The following RORB variants were observed in gnomAD, a reference collection of about 807,000 sequenced individuals.
RORB encodes RAR related orphan receptor B.
A neutral mutation model predicts 59.1 loss-of-function variants in RORB; 6 were observed. That is an observed-to-expected ratio of 0.10 (90% CI 0.06 to 0.20). The LOEUF (loss-of-function observed/expected upper bound fraction) is 0.20, where lower values mean the gene tolerates loss of function less well. Among genes scored for constraint, RORB ranks in the 10% least tolerant of loss-of-function variants. The pLI, the probability that RORB is intolerant of heterozygous loss-of-function variation, is 1.00. For synonymous variants in RORB, 215 were observed against 204.5 expected, an observed-to-expected ratio of 1.05 and a Z score of -0.44; for missense variants, 320 against 560.5, an observed-to-expected ratio of 0.57 and a Z score of 4.33.
chr9:74,591,504 T>C (rs1223602089), intron 1 of RORB, among the ~76,000 whole-genome samples: 1 of 152,184 alleles, frequency 6.6e-6, no homozygotes. Flanking sequence ...GTAATCTAAA[T>C]AAAACAAAGC....
chr9:74,611,851 T>C (rs189905639), intron 1 of RORB, among the ~76,000 whole-genome samples: 13 of 152,232 alleles, frequency 8.5e-5, no homozygotes, highest in Non-Finnish European at 1.5e-4. Context: ...TGTTTCACCA[T>C]ATTGGCCAGG....
chr9:74,574,898 G>A (rs1208362908), intron 1 of RORB, among the ~76,000 whole-genome samples: 5 of 152,076 alleles, frequency 3.3e-5, no homozygotes, highest in East Asian at 1.9e-4. Flanking sequence ...TCTTCCTATC[G>A]TCAGTCCCAA....
chr9:74,649,674 C>A (rs1563963981), intron 4 of RORB, among the ~76,000 whole-genome samples: 1 of 152,140 alleles, frequency 6.6e-6, no homozygotes. Context: ...AGAATGTATA[C>A]AAAGCACTTT....
chr9:74,624,130 T>C lies in RORB; in HGVS notation c.8-6152T>C, dbSNP rs1823469312. ...TGAAAATGATCTTCTTTTGTCATTA[T>C]CATATGGTAGTAATTTTTTTCTTAA... On this transcript the variant is annotated intron_variant, in intron 1 of 9. Transcript: ENST00000376896. Among the ~76,000 whole-genome samples the C allele has an allele frequency of 3.3e-5, 5 of 152,202 alleles. No homozygotes were observed. The South Asian group carries it at 1.0e-3, about 32-fold the overall frequency.
intron 1 of RORB, among the ~76,000 whole-genome samples, chr9:74,591,359 C>T (rs1215049798): frequency 1.3e-5 from 2 of 152,190 alleles, no homozygotes; most frequent in Non-Finnish European, 2.9e-5. Flanking sequence ...GTCTATTCAG[C>T]AGGCAAAACA....
chr9:74,679,361 A>T (rs986986234), intron 9 of RORB, among the ~76,000 whole-genome samples: 3 of 152,234 alleles, frequency 2.0e-5, no homozygotes, highest in Non-Finnish European at 2.9e-5. Context: ...TCACAAAGTT[A>T]GCATACCCGT....
At chr9:74,635,341 T>A (rs553893454) in intron 3 of RORB, among the ~76,000 whole-genome samples, 1 of 152,242 alleles carries the variant, frequency 6.6e-6, no homozygotes, top group Non-Finnish European at 1.5e-5. Context: ...GCTGTGTAGG[T>A]GATGTCTTCC....
intron 1 of RORB, among the ~76,000 whole-genome samples, chr9:74,548,141 C>T (rs980331732): frequency 3.3e-5 from 5 of 151,392 alleles, no homozygotes; most frequent in South Asian, 2.1e-4. Flanking sequence ...GCAGCCAGGT[C>T]ATAACGTTAC....
intron 1 of RORB, among the ~76,000 whole-genome samples, chr9:74,558,954 T>G (rs1822352792): frequency 6.6e-6 from 1 of 152,170 alleles, no homozygotes; most frequent in Admixed American, 6.6e-5. Context: ...AGCAGACACA[T>G]GTAAGTGGTC....
chr9:74,608,563 C>CA (rs34028088), intron 1 of RORB, among the ~76,000 whole-genome samples: 56,374 of 127,124 alleles, frequency 0.44, 12,639 homozygotes, highest in East Asian at 0.72. Context: ...GACTCCGTCT[C>CA]AAAAAAAAAA....
At chr9:74,623,734 C>A (rs562649394) in intron 1 of RORB, among the ~76,000 whole-genome samples, 1 of 152,252 alleles carries the variant, frequency 6.6e-6, no homozygotes, top group Admixed American at 6.5e-5. Context: ...GATGCCAATG[C>A]CACTGTTCTG....
At chr9:74,549,618 AAGGAAGG>A (rs1826571966) in intron 1 of RORB, among the ~76,000 whole-genome samples, 1 of 111,210 alleles carries the variant, frequency 9.0e-6, no homozygotes, top group African/African-American at 3.2e-5. Context: ...GAAAGGAAGG[AAGGAAGG>A]AAGAAAGGAA....
rs1369898588 is a variant in RORB, at chr9:74,692,224, C to CTA, written c.*6609_*6610dup. The CTA allele has an allele frequency of 6.6e-6, 1 of 152,138 alleles. No individual in the cohort carries two copies. Among genetic ancestry groups the CTA allele is most frequent in the African/African-American group, 2.4e-5 (1 of 41,426 alleles). The allele number at this position is 152,138 out of a possible 1,614,324, so 9.4% of individuals were successfully genotyped here. A position where few individuals can be genotyped will look rare whatever the true frequency, so the allele number is the denominator to read the frequency against. On this transcript the variant is annotated 3_prime_UTR_variant, in exon 10 of 10. Transcript: ENST00000376896. ...GGAGGAAAATCCAAGGTGTCATGAG[C>CTA]TATAGCAACACAGGCAGGAGCAAGT...
At chr9:74,569,021 A>G (rs1182560755) in intron 1 of RORB, among the ~76,000 whole-genome samples, 1 of 152,114 alleles carries the variant, frequency 6.6e-6, no homozygotes, top group Non-Finnish European at 1.5e-5. Flanking sequence ...TGAATGTACC[A>G]ATGTTAAGGT....
At chr9:74,625,874 G>A (rs1823503876) in intron 1 of RORB, among the ~76,000 whole-genome samples, 1 of 152,144 alleles carries the variant, frequency 6.6e-6, no homozygotes, top group Non-Finnish European at 1.5e-5. Context: ...CAGTAAAAAT[G>A]TTACCTCCAA....
intron 4 of RORB, among the ~76,000 whole-genome samples, chr9:74,654,406 G>C (rs936545162): frequency 6.6e-6 from 1 of 151,248 alleles, no homozygotes; most frequent in East Asian, 2.0e-4. Flanking sequence ...GGATTATTTA[G>C]ATACAGTCCA....
chr9:74,616,652 C>G (rs1489116445), intron 1 of RORB, among the ~76,000 whole-genome samples: 1 of 152,156 alleles, frequency 6.6e-6, no homozygotes, highest in Admixed American at 6.5e-5. Context: ...ATTAATAACA[C>G]TAGACATACT....
At chr9:74,591,750 A>C (rs1170637294) in intron 1 of RORB, among the ~76,000 whole-genome samples, 2 of 152,226 alleles carry the variant, frequency 1.3e-5, no homozygotes, top group African/African-American at 4.8e-5. Flanking sequence ...TAAATTGTTT[A>C]TATCACAGGG....
intron 1 of RORB, among the ~76,000 whole-genome samples, chr9:74,545,648 C>G (rs990087099): frequency 6.6e-6 from 1 of 152,286 alleles, no homozygotes. Flanking sequence ...GAAAACTAAT[C>G]TGATTAGGCT....
Sources: gnomAD v4.1 joint callset for allele counts (sites outside exome capture counted in the v4.1 genomes callset) on GRCh38, gnomAD v4.1.1 for gene constraint, MANE v1.5 for transcripts, NCBI Gene and HGNC (gene_info 2026-07-23, HGNC 2026-07-21) for gene names.